ADAMTS12: variants seen among roughly 807,000 people sequenced by gnomAD.
The protein encoded by ADAMTS12 is A disintegrin and metalloproteinase with thrombospondin motifs 12.
A neutral mutation model predicts 167.8 loss-of-function variants in ADAMTS12; 118 were observed. The ratio of observed to expected loss-of-function variants is 0.70; its 90% CI spans 0.61 to 0.82. The LOEUF is 0.82. Among genes scored for constraint, ADAMTS12 ranks in the 40% least tolerant of loss-of-function variants. The pLI, the probability that ADAMTS12 is intolerant of heterozygous loss-of-function variation, is 0.00. For synonymous variants in ADAMTS12, 704 were observed against 716.9 expected (o/e 0.98, Z 0.29); for missense variants, 1,916 against 1,998.8 (o/e 0.96, Z 0.79).
chr5:33,777,038 C>T (rs909564743), intron 2 of ADAMTS12, among the ~76,000 whole-genome samples: 3 of 152,042 alleles, frequency 2.0e-5, no homozygotes, highest in African/African-American at 7.2e-5. Context: ...AATCAAAAAC[C>T]TCCCAACAAA....
intron 18 of ADAMTS12, among the ~76,000 whole-genome samples, chr5:33,586,807 C>T (rs1165271446): frequency 6.6e-6 from 1 of 152,214 alleles, no homozygotes; most frequent in East Asian, 1.9e-4. Context: ...TAAGGCAGGC[C>T]AACCAAATGC....
intron 2 of ADAMTS12, among the ~76,000 whole-genome samples, chr5:33,876,484 T>G (rs1022304265): frequency 2.6e-5 from 4 of 152,160 alleles, no homozygotes; most frequent in African/African-American, 9.7e-5. Context: ...CCAGCTAATT[T>G]TTTACAAAAG....
chr5:33,568,202 T>TA (rs1746112279), intron 19 of ADAMTS12, among the ~76,000 whole-genome samples: 1 of 152,234 alleles, frequency 6.6e-6, no homozygotes, highest in African/African-American at 2.4e-5. Flanking sequence ...TGGCTTACTG[T>TA]AAGCATGAAA....
At chr5:33,726,459 G>A (rs147293084) in intron 3 of ADAMTS12, among the ~76,000 whole-genome samples, 13 of 152,308 alleles carry the variant, frequency 8.5e-5, no homozygotes, top group African/African-American at 3.1e-4. Context: ...GTTTAACTGA[G>A]GGGGAGAAAA....
intron 9 of ADAMTS12, among the ~76,000 whole-genome samples, chr5:33,643,756 A>G (rs1740557391): frequency 6.6e-6 from 1 of 152,230 alleles, no homozygotes; most frequent in South Asian, 2.1e-4. Flanking sequence ...GTTTGGCACA[A>G]TATCCAGCCC....
intron 20 of ADAMTS12, among the ~76,000 whole-genome samples, chr5:33,551,934 C>T (rs1257472796): frequency 6.6e-6 from 1 of 152,094 alleles, no homozygotes; most frequent in Non-Finnish European, 1.5e-5. Context: ...AGAGGAAGGC[C>T]GTTTGTATTC....
chr5:33,824,504 A>T (rs1234459380), intron 2 of ADAMTS12, among the ~76,000 whole-genome samples: 1 of 152,238 alleles, frequency 6.6e-6, no homozygotes, highest in Admixed American at 6.5e-5. Flanking sequence ...AAAACAAATG[A>T]GCAATCATAA....
At chr5:33,527,649 A>G (rs1743887584) in intron 23 of ADAMTS12, among the ~76,000 whole-genome samples, 1 of 152,150 alleles carries the variant, frequency 6.6e-6, no homozygotes, top group Non-Finnish European at 1.5e-5. Context: ...AATCCTTCCC[A>G]ACTACTTGCC....
At chr5:33,648,024 A>C (rs1392520737) in intron 9 of ADAMTS12, among the ~76,000 whole-genome samples, 1 of 152,210 alleles carries the variant, frequency 6.6e-6, no homozygotes, top group Non-Finnish European at 1.5e-5. Flanking sequence ...TATTCTGTAC[A>C]TAGCACAGAA....
intron 5 of ADAMTS12, among the ~76,000 whole-genome samples, chr5:33,667,704 GTATCGTC>G (rs774111739): frequency 5.9e-5 from 9 of 152,108 alleles, no homozygotes; most frequent in Non-Finnish European, 1.2e-4. Context: ...AAATATATAT[GTATCGTC>G]TATCTTCTAA....
intron 2 of ADAMTS12, among the ~76,000 whole-genome samples, chr5:33,868,919 A>C (rs1243588817): frequency 6.6e-6 from 1 of 152,230 alleles, no homozygotes; most frequent in Non-Finnish European, 1.5e-5. Context: ...AGACTGTAAA[A>C]GTTTGGAAAA....
intron 20 of ADAMTS12, among the ~76,000 whole-genome samples, chr5:33,556,727 T>G (rs1343230325): frequency 1.3e-5 from 2 of 152,182 alleles, no homozygotes; most frequent in Non-Finnish European, 2.9e-5. Context: ...TCTGCAAAGA[T>G]GGACAGAGGG....
chr5:33,764,289 C>T (rs1318102962), intron 2 of ADAMTS12, among the ~76,000 whole-genome samples: 1 of 152,222 alleles, frequency 6.6e-6, no homozygotes, highest in African/African-American at 2.4e-5. Flanking sequence ...TGTTCATCAT[C>T]TTAGTTCTGC....
chr5:33,563,459 G>A (rs1745846811), intron 19 of ADAMTS12, among the ~76,000 whole-genome samples: 2 of 152,100 alleles, frequency 1.3e-5, no homozygotes, highest in African/African-American at 4.8e-5. Context: ...CTAAACCTGG[G>A]CTGGCCTGCT....
chr5:33,645,358 C>T (rs900409384), intron 9 of ADAMTS12, among the ~76,000 whole-genome samples: 7 of 152,106 alleles, frequency 4.6e-5, no homozygotes, highest in African/African-American at 1.7e-4. Flanking sequence ...TGTCATCTCT[C>T]TTTCCTTTTG....
chr5:33,752,952 A>T (rs985185909), intron 2 of ADAMTS12, among the ~76,000 whole-genome samples: 10 of 152,356 alleles, frequency 6.6e-5, no homozygotes, highest in African/African-American at 2.4e-4. Context: ...CTTAACATAA[A>T]CCTCACAATC....
intron 13 of ADAMTS12, among the ~76,000 whole-genome samples, chr5:33,627,990 A>G (rs1459364227): frequency 6.6e-6 from 1 of 152,220 alleles, no homozygotes; most frequent in Non-Finnish European, 1.5e-5. Flanking sequence ...AGGAGTGCAC[A>G]GTAGGCTAAT....
intron 2 of ADAMTS12, among the ~76,000 whole-genome samples, chr5:33,807,111 C>T (rs1747265593): frequency 6.6e-6 from 1 of 152,228 alleles, no homozygotes; most frequent in South Asian, 2.1e-4. Context: ...CCATTTTTCT[C>T]CTTTCTCTGT....
intron 14 of ADAMTS12, among the ~76,000 whole-genome samples, chr5:33,622,100 A>G (rs2112115311): frequency 6.6e-6 from 1 of 152,290 alleles, no homozygotes; most frequent in South Asian, 2.1e-4. Context: ...AGTGGTGGGC[A>G]TGTGGCTAGA....
Sources: allele counts gnomAD v4.1 joint callset (sites outside exome capture counted in the v4.1 genomes callset), GRCh38; gene constraint gnomAD v4.1.1; transcripts MANE v1.5; gene names NCBI Gene and HGNC (gene_info 2026-07-23, HGNC 2026-07-21).